Variants in PPFIA2 observed in about 807,000 individuals in gnomAD.
The protein encoded by PPFIA2 is PPFI scaffold protein A2.
A neutral mutation model predicts 175.5 loss-of-function variants in PPFIA2; 46 were observed. That is an observed-to-expected ratio of 0.26 (90% CI 0.21 to 0.34). PPFIA2 has a LOEUF of 0.34. Ranked by LOEUF, PPFIA2 falls within the 10% of genes least tolerant of loss-of-function variation. The pLI, the probability that PPFIA2 is intolerant of heterozygous loss-of-function variation, is 1.00. For missense variants in PPFIA2, 1,179 were observed against 1,506.1 expected (o/e 0.78, Z 3.60); for synonymous variants, 568 against 511.4 (o/e 1.11, Z -1.49).
At chr12:81,569,893 A>C (rs1020988900) in intron 4 of PPFIA2, among the ~76,000 whole-genome samples, 4 of 152,146 alleles carry the variant, frequency 2.6e-5, no homozygotes, top group African/African-American at 9.7e-5. Flanking sequence ...AAGGTTACAA[A>C]GCTGGTAATA....
intron 8 of PPFIA2, among the ~76,000 whole-genome samples, chr12:81,390,384 A>G (rs915195583): frequency 6.6e-6 from 1 of 152,030 alleles, no homozygotes; most frequent in Non-Finnish European, 1.5e-5. Flanking sequence ...ACCATTGTAC[A>G]TTCCTACCAG....
intron 4 of PPFIA2, among the ~76,000 whole-genome samples, chr12:81,596,941 C>T (rs903798215): frequency 4.6e-5 from 7 of 152,098 alleles, no homozygotes; most frequent in Admixed American, 2.0e-4. Flanking sequence ...TATCTACTGC[C>T]TACAGTTTGC....
intron 4 of PPFIA2, among the ~76,000 whole-genome samples, chr12:81,618,086 T>G (rs1157492165): frequency 6.6e-6 from 1 of 152,156 alleles, no homozygotes; most frequent in Non-Finnish European, 1.5e-5. Context: ...GTCCACCCAA[T>G]GGTTCCCTCC....
intron 22 of PPFIA2, among the ~76,000 whole-genome samples, chr12:81,325,378 A>G (rs2054534178): frequency 6.6e-6 from 1 of 152,156 alleles, no homozygotes; most frequent in Non-Finnish European, 1.5e-5. Flanking sequence ...TCAGTCAGAG[A>G]AATGTTTCTC....
intron 11 of PPFIA2, among the ~76,000 whole-genome samples, chr12:81,373,560 AG>A (rs1262188739): frequency 6.6e-6 from 1 of 152,050 alleles, no homozygotes; most frequent in Non-Finnish European, 1.5e-5. Context: ...TTATCCAACT[AG>A]TTACTCCAAC....
intron 6 of PPFIA2, among the ~76,000 whole-genome samples, chr12:81,443,177 G>A (rs751900638): frequency 2.0e-5 from 3 of 151,762 alleles, no homozygotes; most frequent in African/African-American, 7.3e-5. Flanking sequence ...CTGGCTGAAA[G>A]CTTTGCATAT....
At position 81,337,182 on chromosome 12, in the gene PPFIA2, T is replaced by C. The variant is rs542673908; in HGVS notation, c.2548+1998A>G. ...ACTTTGTTCTTTTTCCTGGAAGCTT[T>C]GATTCACCATTTATGTAGCTTCTAC... On this transcript the variant is annotated intron_variant, in intron 21 of 32. Coordinates refer to ENST00000549396, the MANE Select transcript of PPFIA2 (RefSeq NM_003625.5). Among the ~76,000 whole-genome samples, 5 of 152,312 alleles carry C rather than the reference T, an allele frequency of 3.3e-5. No homozygotes were observed. The South Asian group carries it at 8.3e-4, about 25-fold the overall frequency.
intron 4 of PPFIA2, among the ~76,000 whole-genome samples, chr12:81,671,617 C>A (rs73149312): frequency 0.11 from 17,453 of 151,862 alleles, 1,220 homozygotes; most frequent in Middle Eastern, 0.18. Flanking sequence ...GACTTCAATG[C>A]TTCCCTTTGG....
At chr12:81,647,920 G>A (rs1182713389) in intron 4 of PPFIA2, among the ~76,000 whole-genome samples, 1 of 142,596 alleles carries the variant, frequency 7.0e-6, no homozygotes, top group East Asian at 2.0e-4. Flanking sequence ...AGAAAAAGAG[G>A]AACTATGATT....
intron 23 of PPFIA2, chr12:81,298,565 C>A (rs893025274): frequency 6.6e-6 from 1 of 152,218 alleles, no homozygotes; most frequent in African/African-American, 2.4e-5. Flanking sequence ...CTAGCAGCTA[C>A]TAGCAGCTCA....
intron 22 of PPFIA2, among the ~76,000 whole-genome samples, chr12:81,318,958 T>C (rs763615610): frequency 1.3e-5 from 2 of 151,770 alleles, no homozygotes; most frequent in Non-Finnish European, 3.0e-5. Context: ...CATTTTCATG[T>C]TCTATTAATA....
intron 24 of PPFIA2, among the ~76,000 whole-genome samples, chr12:81,288,513 T>C (rs541618106): frequency 6.6e-6 from 1 of 151,764 alleles, no homozygotes; most frequent in South Asian, 2.1e-4. Context: ...GACAGAAAAA[T>C]AAATATTACA....
At chr12:81,722,728 T>C (rs1207052158) in intron 3 of PPFIA2, among the ~76,000 whole-genome samples, 2 of 150,986 alleles carry the variant, frequency 1.3e-5, no homozygotes, top group African/African-American at 4.8e-5. Context: ...AAGGAAGTTT[T>C]ATATTATCAA....
At chr12:81,343,157 G>A (rs1031283642) in intron 19 of PPFIA2, among the ~76,000 whole-genome samples, 1 of 151,900 alleles carries the variant, frequency 6.6e-6, no homozygotes, top group South Asian at 2.1e-4. Flanking sequence ...GTAGTCTTTT[G>A]AAGTGTAAAT....
chr12:81,684,326 G>A (rs1328634373), intron 3 of PPFIA2, among the ~76,000 whole-genome samples: 1 of 152,054 alleles, frequency 6.6e-6, no homozygotes, highest in Non-Finnish European at 1.5e-5. Context: ...AGAAATGGTG[G>A]TACATGGGGA....
At chr12:81,380,774 T>A (rs148710806) in intron 9 of PPFIA2, among the ~76,000 whole-genome samples, 1 of 152,288 alleles carries the variant, frequency 6.6e-6, no homozygotes, top group African/African-American at 2.4e-5. Context: ...GTGGGTCTCA[T>A]CTGAGAAAAA....
Position 81,339,163 on chromosome 12 carries a change from A to C in PPFIA2, c.2548+17T>G. Reference sequence around the variant, plus strand: ...AAAATGAGTGGCAGTGGAAAGTCTTAACACATGCATACTTACGGAGCTGCC... The same window carrying C: ...AAAATGAGTGGCAGTGGAAAGTCTTCACACATGCATACTTACGGAGCTGCC... On this transcript the variant is annotated intron_variant, in intron 21 of 32. Transcript: ENST00000549396. 6.4e-7 allele frequency: 1 copy of C among 1,560,294 alleles called. No individual in the cohort carries two copies. The highest frequency in any genetic ancestry group is 8.7e-7 in the Non-Finnish European group (1 of 1,154,574).
intron 4 of PPFIA2, among the ~76,000 whole-genome samples, chr12:81,548,427 C>A (rs2067329433): frequency 6.6e-6 from 1 of 152,066 alleles, no homozygotes; most frequent in Non-Finnish European, 1.5e-5. Context: ...GTTTTCACAT[C>A]AAGATTCTGA....
At chr12:81,662,291 G>A (rs867839062) in intron 4 of PPFIA2, among the ~76,000 whole-genome samples, 85 of 152,158 alleles carry the variant, frequency 5.6e-4, no homozygotes, top group African/African-American at 2.0e-3. Flanking sequence ...CAACAAAGTC[G>A]ATAGACCACT....
Sources: gnomAD v4.1 joint callset for allele counts (sites outside exome capture counted in the v4.1 genomes callset) on GRCh38, gnomAD v4.1.1 for gene constraint, MANE v1.5 for transcripts, NCBI Gene and HGNC (gene_info 2026-07-23, HGNC 2026-07-21) for gene names.